Variants in DIP2B observed in about 807,000 individuals in gnomAD.
The protein encoded by DIP2B is DIP2 acetate--CoA ligase B (putative), also known as disco-interacting protein 2 homolog B.
Under a neutral mutation model 198.0 loss-of-function variants are expected in DIP2B, and 76 were observed. The ratio of observed to expected loss-of-function variants is 0.38; its 90% CI spans 0.32 to 0.46. The LOEUF is 0.46. Ranked by LOEUF, DIP2B falls within the 20% of genes least tolerant of loss-of-function variation. The pLI is 0.99. For synonymous variants in DIP2B, 701 were observed against 739.1 expected (o/e 0.95, Z 0.84); for missense variants, 1,559 against 1,978.4 (o/e 0.79, Z 4.02).
chr12:50,694,636 A>G (rs970474047), intron 14 of DIP2B, among the ~76,000 whole-genome samples: 3 of 147,916 alleles, frequency 2.0e-5, no homozygotes, highest in African/African-American at 7.5e-5. Flanking sequence ...CCTGGGCAAC[A>G]TAGTGAAACC....
chr12:50,697,468 A>G (rs984546494), intron 17 of DIP2B, among the ~76,000 whole-genome samples: 3 of 148,936 alleles, frequency 2.0e-5, no homozygotes, highest in African/African-American at 5.0e-5. Flanking sequence ...TAGTATATCT[A>G]TAGTATATTC....
intron 1 of DIP2B, among the ~76,000 whole-genome samples, chr12:50,544,222 C>CA (rs148543495): frequency 0.29 from 41,076 of 142,798 alleles, 6,286 homozygotes; most frequent in Non-Finnish European, 0.35. Flanking sequence ...GACTCCATCT[C>CA]AAAAAAAAAA....
intron 1 of DIP2B, among the ~76,000 whole-genome samples, chr12:50,604,354 A>G (rs1421907011): frequency 1.3e-5 from 2 of 152,190 alleles, no homozygotes; most frequent in Non-Finnish European, 2.9e-5. Flanking sequence ...GACTGTGTAT[A>G]TATATGCATT....
chr12:50,554,798 T>G (rs573649077), intron 1 of DIP2B, among the ~76,000 whole-genome samples: 2 of 146,060 alleles, frequency 1.4e-5, no homozygotes, highest in Admixed American at 1.4e-4. Flanking sequence ...AGATGGAGTC[T>G]TGCTGTCTCA....
chr12:50,531,300 G>A (rs1011627419), intron 1 of DIP2B, among the ~76,000 whole-genome samples: 4 of 151,920 alleles, frequency 2.6e-5, no homozygotes, highest in African/African-American at 4.8e-5. Flanking sequence ...CGCCCACCTC[G>A]GCCTCCCAGA....
At chr12:50,571,978 A>C (rs1958619111) in intron 1 of DIP2B, among the ~76,000 whole-genome samples, 1 of 152,204 alleles carries the variant, frequency 6.6e-6, no homozygotes, top group Non-Finnish European at 1.5e-5. Context: ...CTTTAGGAAA[A>C]GACATTTATG....
intron 1 of DIP2B, among the ~76,000 whole-genome samples, chr12:50,514,135 A>G (rs1027237393): frequency 1.4e-5 from 2 of 142,688 alleles, no homozygotes; most frequent in Non-Finnish European, 3.0e-5. Context: ...GCATGATCTC[A>G]GCTCACCATA....
intron 1 of DIP2B, among the ~76,000 whole-genome samples, chr12:50,562,098 A>T (rs1437419853): frequency 6.6e-6 from 1 of 152,200 alleles, no homozygotes; most frequent in Non-Finnish European, 1.5e-5. Context: ...TTCTAAAGTG[A>T]CAGTAAATTA....
Position 50,521,275 on chromosome 12 carries a change from T to G in DIP2B, c.100+16035T>G, listed in dbSNP as rs541710555. Among the ~76,000 whole-genome samples, 14 of 150,426 alleles carry G rather than the reference T, an allele frequency of 9.3e-5. 1 individual carries two copies. The South Asian group carries it at 3.0e-3, about 32-fold the overall frequency. On this transcript the variant is annotated intron_variant, in intron 1 of 37. Coordinates refer to ENST00000301180, the MANE Select transcript of DIP2B (RefSeq NM_173602.3). The stretch of plus-strand genomic sequence containing the variant: ...GCGCACACCCCCACACCCTGCTAAT[T>G]TTTGTATTTTTAGTAGAGAGGGGGT...
rs145095669 is a variant in DIP2B, at chr12:50,628,392, T to A, written c.172+2345T>A. On this transcript the variant is annotated intron_variant, in intron 2 of 37. Transcript: ENST00000301180. ...TCTCAAAAATAAATAAATAAATAAA[T>A]AAAAATATAAAAAGCAATGATGAAA... is the stretch of plus-strand genomic sequence containing the variant. Among the ~76,000 whole-genome samples, 689 of 151,936 alleles carry A rather than the reference T, an allele frequency of 4.5e-3. 8 individuals are homozygous for A. The highest frequency in any genetic ancestry group is 0.016 in the African/African-American group (650 of 41,438).
intron 19 of DIP2B, among the ~76,000 whole-genome samples, chr12:50,699,639 G>T (rs935686198): frequency 6.6e-6 from 1 of 152,054 alleles, no homozygotes; most frequent in Admixed American, 6.6e-5. Flanking sequence ...GAGGCCAGGA[G>T]TTTGAGACCA....
chr12:50,633,634 C>T (rs1244047553), intron 2 of DIP2B, among the ~76,000 whole-genome samples: 13 of 151,986 alleles, frequency 8.6e-5, no homozygotes, highest in South Asian at 6.2e-4. Context: ...GGTGTGGTGG[C>T]GCGCACCTGT....
chr12:50,626,996 G>A (rs555255913), intron 2 of DIP2B, among the ~76,000 whole-genome samples: 1 of 152,270 alleles, frequency 6.6e-6, no homozygotes, highest in African/African-American at 2.4e-5. Context: ...AAACTAGTAG[G>A]TCAATACACT....
At position 50,724,856 on chromosome 12, in the gene DIP2B, G is replaced by A. The variant is rs546402558; in HGVS notation, c.3370G>A (p.Val1124Met). The A allele has an allele frequency of 1.2e-6, 2 of 1,614,184 alleles. No individual in the cohort carries two copies. Among genetic ancestry groups the A allele is most frequent in the South Asian group, 1.1e-5 (1 of 91,080 alleles). ...RSREAAAAVD[V>M]KTWPTIIDTD... ...CCGAGAGGCAGCAGCAGCTGTGGAT[G>A]TGAAAACCTGGCCAACCATCATTGA... Residue 1124 changes from valine to methionine, a missense_variant, in exon 28 of 38, where the codon GTG becomes ATG. By Grantham distance (21) the Val-to-Met change is conservative. Transcript: ENST00000301180.
intron 1 of DIP2B, among the ~76,000 whole-genome samples, chr12:50,543,930 A>AAG (rs1958351314): frequency 1.3e-5 from 2 of 148,374 alleles, no homozygotes; most frequent in African/African-American, 4.9e-5. Flanking sequence ...CCTTTAAAAA[A>AAG]AAAAAAAAAA....
At chr12:50,743,203 C>T (rs1940285218) in intron 37 of DIP2B, among the ~76,000 whole-genome samples, 1 of 152,136 alleles carries the variant, frequency 6.6e-6, no homozygotes, top group South Asian at 2.1e-4. Context: ...CTGCCTCAGC[C>T]TCCCGGGTAG....
chr12:50,522,496 TA>T (rs1958129485), intron 1 of DIP2B, among the ~76,000 whole-genome samples: 1 of 152,068 alleles, frequency 6.6e-6, no homozygotes, highest in Non-Finnish European at 1.5e-5. Flanking sequence ...CTGGGACAAT[TA>T]AATGTGCCAG....
chr12:50,593,686 C>T (rs1958839207), intron 1 of DIP2B, among the ~76,000 whole-genome samples: 1 of 136,638 alleles, frequency 7.3e-6, no homozygotes, highest in South Asian at 2.5e-4. Context: ...TAGGAATACA[C>T]TCTTTTCTCC....
intron 2 of DIP2B, among the ~76,000 whole-genome samples, chr12:50,638,784 T>C (rs906882107): frequency 1.3e-5 from 2 of 152,132 alleles, no homozygotes; most frequent in Non-Finnish European, 2.9e-5. Flanking sequence ...CCCATACTCC[T>C]TCCCACCTCT....
Sources: gnomAD v4.1 joint callset for allele counts (sites outside exome capture counted in the v4.1 genomes callset) on GRCh38, gnomAD v4.1.1 for gene constraint, MANE v1.5 for transcripts, NCBI Gene and HGNC (gene_info 2026-07-23, HGNC 2026-07-21) for gene names.